The following EXT1 variants were observed in gnomAD, a reference collection of about 807,000 sequenced individuals.
EXT1 encodes exostosin glycosyltransferase 1, also known as exostosin-1.
EXT1 carries 20 observed loss-of-function variants against 82.5 expected under a neutral mutation model. That is an observed-to-expected ratio of 0.24 (90% CI 0.17 to 0.35). The LOEUF (loss-of-function observed/expected upper bound fraction) is 0.35. EXT1 is among the 10% of genes least tolerant of loss of function. The pLI is 1.00. For missense variants in EXT1, 757 were observed against 936.5 expected (o/e 0.81, Z 2.50); for synonymous variants, 348 against 350.8 (o/e 0.99, Z 0.09).
chr8:117,930,392 C>T (rs1468670102), intron 1 of EXT1, among the ~76,000 whole-genome samples: 6 of 145,742 alleles, frequency 4.1e-5, no homozygotes, highest in Non-Finnish European at 9.1e-5. Flanking sequence ...ATTCATATAT[C>T]AAAAAAAAAA....
At chr8:117,803,455 C>T (rs1220138578) in intron 10 of EXT1, among the ~76,000 whole-genome samples, 5 of 152,066 alleles carry the variant, frequency 3.3e-5, no homozygotes, top group Non-Finnish European at 7.4e-5. Context: ...CCTCGGCCTC[C>T]CAAAATGCTG....
At chr8:117,870,798 C>A (rs1444200103) in intron 1 of EXT1, among the ~76,000 whole-genome samples, 1 of 147,346 alleles carries the variant, frequency 6.8e-6, no homozygotes, top group Non-Finnish European at 1.5e-5. Context: ...CATCAGGACT[C>A]AGTGGGTATA....
intron 1 of EXT1, among the ~76,000 whole-genome samples, chr8:118,088,145 C>G (rs191905438): frequency 2.2e-4 from 34 of 152,226 alleles, no homozygotes; most frequent in African/African-American, 7.7e-4. Flanking sequence ...CTTGGGAACT[C>G]AAATCAGCAA....
chr8:117,884,988 C>A (rs1813122547), intron 1 of EXT1, among the ~76,000 whole-genome samples: 1 of 152,170 alleles, frequency 6.6e-6, no homozygotes, highest in Non-Finnish European at 1.5e-5. Context: ...TTAATACAGG[C>A]CTGCTGATTT....
intron 9 of EXT1, 76 bp from the exon 10 acceptor site, chr8:117,804,969 C>A: frequency 7.3e-7 from 1 of 1,374,336 alleles, no homozygotes; most frequent in South Asian, 1.2e-5. Context: ...ACAGAAAACA[C>A]ATACCCATTC....
intron 1 of EXT1, among the ~76,000 whole-genome samples, chr8:117,851,123 C>T (rs1180661533): frequency 6.6e-6 from 1 of 151,948 alleles, no homozygotes; most frequent in East Asian, 1.9e-4. Flanking sequence ...TCTGTAATAA[C>T]AAGGGAGGGA....
intron 1 of EXT1, among the ~76,000 whole-genome samples, chr8:118,055,576 A>G (rs1816782186): frequency 6.6e-6 from 1 of 152,206 alleles, no homozygotes; most frequent in Non-Finnish European, 1.5e-5. Context: ...ACAAAACCTC[A>G]TTCTCTTTTT....
chr8:118,111,504 GCAGAGC>G lies in EXT1; in HGVS notation c.-464_-459del. On this transcript the variant is annotated 5_prime_UTR_variant, in exon 1 of 11. Coordinates refer to ENST00000378204, the MANE Select transcript of EXT1 (RefSeq NM_000127.3). ...CTTCAACTCATCCACCACTCTCCGT[GCAGAGC>G]ACTCCGGTTCCAACAAGTCAGCCGA... 1 of 506,986 alleles carries G rather than the reference GCAGAGC, an allele frequency of 2.0e-6. No homozygotes were observed. The highest frequency in any genetic ancestry group is 3.4e-6 in the Non-Finnish European group (1 of 290,512). The allele number at this position is 506,986 out of a possible 1,614,324, so 31.4% of individuals were successfully genotyped here. A position where few individuals can be genotyped will look rare whatever the true frequency, so the allele number is the denominator to read the frequency against.
At chr8:117,979,270 C>T (rs1815133347) in intron 1 of EXT1, among the ~76,000 whole-genome samples, 1 of 151,910 alleles carries the variant, frequency 6.6e-6, no homozygotes, top group Admixed American at 6.6e-5. Flanking sequence ...AGAAGAATTG[C>T]TTGAACCCAG....
chr8:117,989,409 C>G (rs1815389575), intron 1 of EXT1, among the ~76,000 whole-genome samples: 2 of 152,146 alleles, frequency 1.3e-5, no homozygotes, highest in Non-Finnish European at 2.9e-5. Context: ...TGTCTGTCTG[C>G]CTCCACTCAA....
intron 1 of EXT1, among the ~76,000 whole-genome samples, chr8:117,948,691 C>T (rs1465898766): frequency 2.0e-5 from 3 of 152,226 alleles, no homozygotes; most frequent in Non-Finnish European, 4.4e-5. Context: ...AGTGTGGTTT[C>T]TTCCTCCTGC....
chr8:117,856,799 G>A (rs1812570347), intron 1 of EXT1, among the ~76,000 whole-genome samples: 1 of 152,162 alleles, frequency 6.6e-6, no homozygotes, highest in African/African-American at 2.4e-5. Flanking sequence ...AATAGCCTTA[G>A]ATTGGAAGAA....
At chr8:118,076,087 T>A (rs1441551608) in intron 1 of EXT1, among the ~76,000 whole-genome samples, 1 of 152,308 alleles carries the variant, frequency 6.6e-6, no homozygotes, top group South Asian at 2.1e-4. Flanking sequence ...GGGAAGTATA[T>A]TCCTAAAACA....
At chr8:117,987,417 C>T (rs576676429) in intron 1 of EXT1, among the ~76,000 whole-genome samples, 8 of 152,346 alleles carry the variant, frequency 5.3e-5, no homozygotes, top group African/African-American at 9.6e-5. Flanking sequence ...ATTCTATCTG[C>T]GCAGGCACTG....
At chr8:117,998,961 A>G (rs17505079) in intron 1 of EXT1, among the ~76,000 whole-genome samples, 8,557 of 152,262 alleles carry the variant, frequency 0.056, 760 homozygotes, top group African/African-American at 0.19. Flanking sequence ...GGGAGGGAAC[A>G]TAAGTCATGT....
chr8:118,021,643 G>A (rs1466819209), intron 1 of EXT1, among the ~76,000 whole-genome samples: 2 of 152,096 alleles, frequency 1.3e-5, no homozygotes, highest in African/African-American at 4.8e-5. Flanking sequence ...CAACAGAATC[G>A]TTTCCCTGTG....
chr8:117,930,966 T>C (rs2447536), intron 1 of EXT1, among the ~76,000 whole-genome samples: 114,794 of 152,158 alleles, frequency 0.75, 44,064 homozygotes, highest in Middle Eastern at 0.88. Context: ...CTTCCACCAA[T>C]GCCATGACAG....
At chr8:118,075,819 C>A (rs982483041) in intron 1 of EXT1, among the ~76,000 whole-genome samples, 83 of 152,086 alleles carry the variant, frequency 5.5e-4, no homozygotes, top group African/African-American at 2.0e-3. Flanking sequence ...AGGTTTCACA[C>A]AGTTTGAAAC....
chr8:117,825,219 G>C (rs17430161), intron 4 of EXT1, among the ~76,000 whole-genome samples: 4,423 of 152,160 alleles, frequency 0.029, 83 homozygotes, highest in Non-Finnish European at 0.042. Context: ...TACTTTTAAG[G>C]CTATTCATTA....
Sources: gnomAD v4.1 joint callset for allele counts (sites outside exome capture counted in the v4.1 genomes callset) on GRCh38, gnomAD v4.1.1 for gene constraint, MANE v1.5 for transcripts, NCBI Gene and HGNC (gene_info 2026-07-23, HGNC 2026-07-21) for gene names.